Variants in NEB observed in about 807,000 individuals in gnomAD.
NEB encodes the protein nemaline myopathy type 2.
A neutral mutation model predicts 952.2 loss-of-function variants in NEB; 512 were observed. The ratio of observed to expected loss-of-function variants is 0.54; its 90% CI spans 0.50 to 0.58. The LOEUF (loss-of-function observed/expected upper bound fraction) is 0.58, where lower values mean the gene tolerates loss of function less well. Among genes scored for constraint, NEB ranks in the 20% least tolerant of loss-of-function variants. The pLI is 0.00. For missense variants in NEB, 8,428 were observed against 9,231.1 expected (o/e 0.91, Z 3.56); for synonymous variants, 2,900 against 3,149.8 (o/e 0.92, Z 2.66).
Position 151,560,856 on chromosome 2 carries a change from A to G in NEB, c.19206+148T>C, listed in dbSNP as rs931475083. ...GGGCTTATTTAATTGTACCTACTAGAATTTTATGAGGTAAAGTAAGATTGA... is the reference window on the plus strand; with the variant it reads ...GGGCTTATTTAATTGTACCTACTAGGATTTTATGAGGTAAAGTAAGATTGA... On this transcript the variant is annotated intron_variant, in intron 123 of 181. Transcript: ENST00000397345. The G allele has an allele frequency of 2.4e-5, 18 of 750,324 alleles. No individual in the cohort carries two copies. In the African/African-American group the frequency reaches 3.2e-4, roughly 13 times the overall value. The allele number at this position is 750,324 out of a possible 1,614,324, so 46.5% of individuals were successfully genotyped here. A position where few individuals can be genotyped will look rare whatever the true frequency, so the allele number is the denominator to read the frequency against.
Position 151,682,782 on chromosome 2 carries a change from G to C in NEB, c.2836-13C>G, listed in dbSNP as rs754168438. The C allele has an allele frequency of 1.9e-6, 3 of 1,598,706 alleles. No individual in the cohort carries two copies. In the African/African-American group the frequency reaches 4.0e-5, roughly 21 times the overall value. ...CTTTGTATTCAACCTAAAACACCAA[G>C]AGAAAGGTTACATTTCTTTGCTGTG... On this transcript the variant is annotated splice_polypyrimidine_tract_variant and intron_variant, in intron 28 of 181. Coordinates refer to ENST00000397345, the MANE Select transcript of NEB (RefSeq NM_001164508.2).
At chr2:151,613,283 T>G (rs2098076560) in intron 77 of NEB, among the ~76,000 whole-genome samples, 1 of 152,204 alleles carries the variant, frequency 6.6e-6, no homozygotes, top group African/African-American at 2.4e-5. Context: ...AAATTTGTCT[T>G]CATATGTATA....
intron 107 of NEB, 91 bp from the exon 108 acceptor site, chr2:151,570,692 T>A: frequency 1.7e-6 from 2 of 1,154,354 alleles, no homozygotes; most frequent in Non-Finnish European, 2.5e-6. Context: ...AGGGGCACAG[T>A]TTTGAAGCCC....
chr2:151,552,434 G>A (rs2095394534), intron 128 of NEB, among the ~76,000 whole-genome samples: 2 of 152,184 alleles, frequency 1.3e-5, no homozygotes, highest in Admixed American at 1.3e-4. Flanking sequence ...GAAGTGCTAA[G>A]GCACAAAGTT....
At chr2:151,504,230 AT>A (rs576670286) in intron 165 of NEB, among the ~76,000 whole-genome samples, 60 of 152,280 alleles carry the variant, frequency 3.9e-4, no homozygotes, top group African/African-American at 1.4e-3. Context: ...CCAGATTTTA[AT>A]TCTTAAAATC....
At position 151,485,796 on chromosome 2, in the gene NEB, G is replaced by T; in HGVS notation, c.25542C>A (p.Thr8514=). The change falls in exon 182 of 182, where the codon ACC becomes ACA. Residue 8514 remains threonine, a synonymous_variant. Transcript: ENST00000397345. The stretch of plus-strand genomic sequence containing the variant: ...CAACGTAGTTGGCTGGGAGCATTCC[G>T]GTCCTGCCAGTCCTCTGCACAGTGC... The part of the protein sequence containing the change: ...MYGTVQRTGR[T]GMLPANYVEA... 1 of 1,612,820 alleles carries T rather than the reference G, an allele frequency of 6.2e-7. No homozygotes were observed. The highest frequency in any genetic ancestry group is 1.3e-5 in the African/African-American group (1 of 75,018).
intron 128 of NEB, among the ~76,000 whole-genome samples, chr2:151,552,195 T>C (rs930559061): frequency 6.6e-6 from 1 of 152,190 alleles, no homozygotes; most frequent in Non-Finnish European, 1.5e-5. Flanking sequence ...TCAGGCGTCA[T>C]AGTGGGTGCT....
In NEB at chr2:151,724,135, T is replaced by C. The variant is rs976482701; in HGVS notation, c.612+125A>G. ...CCCTATCCCTGCAGTCTCACATGTC[T>C]CAAGGCTACTCATAAAAAGATTGGG... On this transcript the variant is annotated intron_variant, in intron 8 of 181. Transcript: ENST00000397345. 5 of 767,948 alleles carry C rather than the reference T, an allele frequency of 6.5e-6. No individual in the cohort carries two copies. In the African/African-American group the frequency reaches 8.7e-5, roughly 13 times the overall value. 47.6% of individuals were successfully genotyped at this position (767,948 alleles called of 1,614,324 possible).
intron 147 of NEB, 67 bp from the exon 148 acceptor site, chr2:151,527,089 T>G (rs1378124761): frequency 9.5e-7 from 1 of 1,048,606 alleles, no homozygotes; most frequent in Non-Finnish European, 1.4e-6. Flanking sequence ...GGCATTTGAT[T>G]AAACACACAG....
intron 161 of NEB, among the ~76,000 whole-genome samples, chr2:151,508,728 G>A (rs1309790203): frequency 6.6e-6 from 1 of 152,200 alleles, no homozygotes; most frequent in Non-Finnish European, 1.5e-5. Flanking sequence ...CACACCTGGA[G>A]CACTACTAAG....
intron 167 of NEB, 25 bp from the exon 168 acceptor site, chr2:151,501,508 A>T: frequency 1.4e-5 from 19 of 1,376,164 alleles, no homozygotes; most frequent in Non-Finnish European, 1.9e-5. Context: ...CCAACAAACA[A>T]ATCAACCTGG....
At chr2:151,618,898 A>G (rs1035134928) in intron 73 of NEB, among the ~76,000 whole-genome samples, 16 of 152,206 alleles carry the variant, frequency 1.1e-4, no homozygotes, top group Non-Finnish European at 1.5e-5. Context: ...TCAAGTGTAT[A>G]AAGGAAATGT....
Position 151,492,254 on chromosome 2 carries a change from G to T in NEB, c.24901C>A (p.His8301Asn), listed in dbSNP as rs1293615209. Residue 8301 changes from histidine (H) to asparagine (N), a missense_variant, in exon 178 of 182, where the codon CAC (histidine) becomes AAC (asparagine). Coordinates refer to ENST00000397345, the MANE Select transcript of NEB (RefSeq NM_001164508.2). The stretch of plus-strand genomic sequence containing the variant: ...ACCACTGGTGTGAAGCAACCCTTGT[G>T]TTTCTCAAAGTCTTCATGATATTTC... ...TVKYHEDFEK[H>N]KGCFTPVVTD... 3 of 1,613,060 alleles carry T rather than the reference G, an allele frequency of 1.9e-6. No homozygotes were observed. In the East Asian group the frequency reaches 6.7e-5, roughly 36 times the overall value.
chr2:151,667,642 C>T (rs1456987227), intron 40 of NEB, among the ~76,000 whole-genome samples, 162 bp downstream of exon 40: 1 of 152,060 alleles, frequency 6.6e-6, no homozygotes. Context: ...ATCCTCCCAT[C>T]TCAGCCTCTC....
At chr2:151,639,745 A>G in intron 62 of NEB, 112 bp downstream of exon 62, 1 of 879,090 alleles carries the variant, frequency 1.1e-6, no homozygotes, top group Non-Finnish European at 1.7e-6. Flanking sequence ...ATACATAGAC[A>G]GATAGATAGA....
At chr2:151,666,517 A>C (rs2099219321) in intron 40 of NEB, 116 bp from the exon 41 acceptor site, 1 of 1,011,342 alleles carries the variant, frequency 9.9e-7, no homozygotes. Context: ...GTAACATCGA[A>C]GTTTTTTTTT....
At chr2:151,575,387 T>C (rs931209895) in intron 107 of NEB, among the ~76,000 whole-genome samples, 5 of 152,224 alleles carry the variant, frequency 3.3e-5, no homozygotes, top group African/African-American at 1.2e-4. Context: ...TCTGAGTCTA[T>C]CGTTAATTCT....
intron 46 of NEB, among the ~76,000 whole-genome samples, 188 bp from the exon 47 acceptor site, chr2:151,659,357 T>C (rs1038018497): frequency 3.9e-5 from 6 of 152,236 alleles, no homozygotes; most frequent in Admixed American, 3.9e-4. Flanking sequence ...AGTGCAGTAG[T>C]GCAATTATGG....
chr2:151,649,933 T>G (rs991518257), intron 54 of NEB, among the ~76,000 whole-genome samples: 3 of 152,202 alleles, frequency 2.0e-5, no homozygotes, highest in Non-Finnish European at 2.9e-5. Flanking sequence ...GTTCGATCAT[T>G]TTCCCATTAT....
Sources: allele counts gnomAD v4.1 joint callset (sites outside exome capture counted in the v4.1 genomes callset), GRCh38; gene constraint gnomAD v4.1.1; transcripts MANE v1.5; gene names NCBI Gene and HGNC (gene_info 2026-07-23, HGNC 2026-07-21).